Variants in CLEC16A observed in about 807,000 individuals in gnomAD.
The protein encoded by CLEC16A is C-type lectin domain containing 16A.
In CLEC16A, 51 loss-of-function variants were observed where a neutral mutation model predicts 109.5. That is an observed-to-expected ratio of 0.47 (90% CI 0.37 to 0.59). CLEC16A has a LOEUF of 0.59. Among genes scored for constraint, CLEC16A ranks in the 20% least tolerant of loss-of-function variants. The pLI is 0.00. For missense variants in CLEC16A, 1,339 were observed against 1,394.0 expected, an observed-to-expected ratio of 0.96 and a Z score of 0.63; for synonymous variants, 673 against 564.2, an observed-to-expected ratio of 1.19 and a Z score of -2.73.
At chr16:10,979,997 C>T (rs866690188) in intron 9 of CLEC16A, among the ~76,000 whole-genome samples, 5 of 152,286 alleles carry the variant, frequency 3.3e-5, no homozygotes, top group Middle Eastern at 3.4e-3. Context: ...GACCCAGTTA[C>T]ATAACTTTAA....
At chr16:11,056,916 A>G (rs2048241764) in intron 18 of CLEC16A, 1 of 152,280 alleles carries the variant, frequency 6.6e-6, no homozygotes, top group South Asian at 2.1e-4. Flanking sequence ...ATGTTGTCAC[A>G]GTTTAAATAA....
chr16:11,024,877 C>T lies in CLEC16A; in HGVS notation c.1493C>T (p.Ala498Val). 2 of 1,610,154 alleles carry T rather than the reference C, an allele frequency of 1.2e-6. No individual in the cohort carries two copies. Among genetic ancestry groups the T allele is most frequent in the Non-Finnish European group, 1.7e-6 (2 of 1,178,296 alleles). The part of the protein sequence containing the change: ...ALDSPDDDYH[A>V]LFVLCLLYAM... ...GACAGCCCGGATGATGATTACCATG[C>T]CCTGTTCGTGCTCTGCCTCCTCTAT... is the stretch of plus-strand genomic sequence containing the variant. Residue 498 changes from alanine (A) to valine (V), a missense_variant, in exon 13 of 24, where the codon GCC becomes GTC. Coordinates refer to ENST00000409790, the MANE Select transcript of CLEC16A (RefSeq NM_015226.3).
chr16:11,050,838 A>G (rs2047900702), intron 17 of CLEC16A, among the ~76,000 whole-genome samples: 1 of 152,190 alleles, frequency 6.6e-6, no homozygotes, highest in South Asian at 2.1e-4. Flanking sequence ...TGATTGTGTT[A>G]TATTATCCCA....
intron 1 of CLEC16A, among the ~76,000 whole-genome samples, chr16:10,952,700 G>A (rs1162927390): frequency 7.2e-5 from 11 of 152,206 alleles, no homozygotes; most frequent in Admixed American, 7.2e-4. Context: ...CCAGGGCATT[G>A]TGGGACAGAA....
intron 23 of CLEC16A, among the ~76,000 whole-genome samples, chr16:11,173,700 C>T (rs1241006854): frequency 6.6e-6 from 1 of 152,178 alleles, no homozygotes; most frequent in African/African-American, 2.4e-5. Context: ...GCCAGTCCTC[C>T]AGCCACACAC....
chr16:10,972,072 G>A (rs1428250771), intron 5 of CLEC16A, among the ~76,000 whole-genome samples: 1 of 152,176 alleles, frequency 6.6e-6, no homozygotes, highest in Non-Finnish European at 1.5e-5. Flanking sequence ...GCAAACTGAG[G>A]ACCTGTGGGC....
chr16:11,166,786 G>A (rs955706288), intron 23 of CLEC16A, among the ~76,000 whole-genome samples: 22 of 152,200 alleles, frequency 1.4e-4, no homozygotes, highest in Admixed American at 1.3e-3. Flanking sequence ...GGTCCCCACC[G>A]AAGCTGTCAC....
Position 11,174,710 on chromosome 16 carries a change from G to C in CLEC16A, c.2807-3625G>C, listed in dbSNP as rs553844674. Among the ~76,000 whole-genome samples the C allele has an allele frequency of 2.1e-4, 32 of 152,390 alleles. No individual in the cohort carries two copies. Among genetic ancestry groups the C allele is most frequent in the Middle Eastern group, 6.8e-3 (2 of 294 alleles). On this transcript the variant is annotated intron_variant, in intron 23 of 23. Transcript: ENST00000409790. The surrounding 1 kb of genome is among the most constrained non-coding windows in gnomAD (Gnocchi z 4.7). ...GTGAGAATTTGTAGAAAGCAACCAAGAAGTCTCCTCATTTCTTTTTTCCTT... is the reference window on the plus strand; with the variant it reads ...GTGAGAATTTGTAGAAAGCAACCAACAAGTCTCCTCATTTCTTTTTTCCTT...
intron 19 of CLEC16A, among the ~76,000 whole-genome samples, chr16:11,102,769 G>GGAACCAGCAGCAA: frequency 6.6e-6 from 1 of 152,218 alleles, no homozygotes; most frequent in East Asian, 1.9e-4. Context: ...CTTGCTGGGT[G>GGAACCAGCAGCAA]GAACTCAGAG....
At chr16:11,169,094 GC>G (rs2068396281) in intron 23 of CLEC16A, among the ~76,000 whole-genome samples, 1 of 152,282 alleles carries the variant, frequency 6.6e-6, no homozygotes, top group African/African-American at 2.4e-5. Context: ...GACAGCTGCA[GC>G]CCCCTACAAG....
At chr16:10,953,449 C>T (rs2041832171) in intron 1 of CLEC16A, among the ~76,000 whole-genome samples, 1 of 152,182 alleles carries the variant, frequency 6.6e-6, no homozygotes, top group Non-Finnish European at 1.5e-5. Flanking sequence ...TTCCTTATAA[C>T]CTTGGGGTAG....
chr16:10,956,554 A>G (rs2041996106), intron 1 of CLEC16A, among the ~76,000 whole-genome samples: 2 of 152,130 alleles, frequency 1.3e-5, no homozygotes, highest in African/African-American at 4.8e-5. Flanking sequence ...AGGTGAAGTT[A>G]CCTGGGGCTG....
chr16:10,995,732 G>T (rs1033304664), intron 10 of CLEC16A, among the ~76,000 whole-genome samples: 1 of 152,192 alleles, frequency 6.6e-6, no homozygotes, highest in African/African-American at 2.4e-5. Flanking sequence ...CCTGTGGTCA[G>T]GGTCGCTTGG....
At chr16:11,011,970 A>G (rs1159554803) in intron 11 of CLEC16A, among the ~76,000 whole-genome samples, 1 of 152,092 alleles carries the variant, frequency 6.6e-6, no homozygotes, top group African/African-American at 2.4e-5. Flanking sequence ...CTTCACTTAG[A>G]GTTGTTTATT....
At chr16:11,170,033 C>G (rs567209927) in intron 23 of CLEC16A, among the ~76,000 whole-genome samples, 213 of 152,280 alleles carry the variant, frequency 1.4e-3, no homozygotes, top group Admixed American at 8.0e-3. Context: ...AGCAGAGGAG[C>G]CAGGATCTGA....
At chr16:11,092,694 G>T (rs776461157) in intron 19 of CLEC16A, among the ~76,000 whole-genome samples, 1 of 152,004 alleles carries the variant, frequency 6.6e-6, no homozygotes, top group Non-Finnish European at 1.5e-5. Context: ...CCTTTTGTTC[G>T]TGGCACAATG....
At chr16:10,990,171 G>T (rs890612137) in intron 10 of CLEC16A, among the ~76,000 whole-genome samples, 1 of 152,206 alleles carries the variant, frequency 6.6e-6, no homozygotes. Flanking sequence ...TCCCACAAGG[G>T]AATTAGAGCT....
At chr16:11,159,582 G>A (rs1489257154) in intron 22 of CLEC16A, among the ~76,000 whole-genome samples, 11 of 152,240 alleles carry the variant, frequency 7.2e-5, no homozygotes, top group African/African-American at 2.7e-4. Context: ...GTCATAGGGC[G>A]TTATCTTTGA....
chr16:11,129,487 C>T (rs2053048786), intron 22 of CLEC16A, among the ~76,000 whole-genome samples: 1 of 152,182 alleles, frequency 6.6e-6, no homozygotes, highest in Non-Finnish European at 1.5e-5. Flanking sequence ...TGGAAAACTC[C>T]TCAGTACACC....
Sources: allele counts gnomAD v4.1 joint callset (sites outside exome capture counted in the v4.1 genomes callset), GRCh38; gene constraint gnomAD v4.1.1; non-coding constraint Gnocchi (gnomAD v3.1); transcripts MANE v1.5; gene names NCBI Gene and HGNC (gene_info 2026-07-23, HGNC 2026-07-21).